NCALD: variants seen among roughly 807,000 people sequenced by gnomAD.
NCALD encodes the protein neurocalcin delta.
NCALD carries 10 observed loss-of-function variants against 18.6 expected under a neutral mutation model. The ratio of observed to expected loss-of-function variants is 0.54; its 90% CI spans 0.33 to 0.91. The LOEUF (loss-of-function observed/expected upper bound fraction) is 0.91. Among genes scored for constraint, NCALD ranks in the 40% least tolerant of loss-of-function variants. The pLI, the probability that NCALD is intolerant of heterozygous loss-of-function variation, is 0.03. For synonymous variants in NCALD, 88 were observed against 87.4 expected (o/e 1.01, Z -0.04); for missense variants, 184 against 247.6 (o/e 0.74, Z 1.72).
rs553674427 is a variant in NCALD at position 101,804,214 on chromosome 8, A to G, written c.-20+82927T>C. On this transcript the variant is annotated intron_variant, in intron 4 of 6. Transcript: ENST00000311028. Reference sequence around the variant, plus strand: ...TTAGAAAAATTATTTTCTAAAAATTAGCAATTTTAGAAAATAATATTTTAT... The same window carrying G: ...TTAGAAAAATTATTTTCTAAAAATTGGCAATTTTAGAAAATAATATTTTAT... Among the ~76,000 whole-genome samples the G allele has an allele frequency of 4.0e-5, 6 of 150,568 alleles. No homozygotes were observed. The East Asian group carries it at 1.2e-3, about 29-fold the overall frequency.
At chr8:101,772,836 T>C (rs1337345875) in intron 1 of NCALD, among the ~76,000 whole-genome samples, 1 of 152,148 alleles carries the variant, frequency 6.6e-6, no homozygotes. Flanking sequence ...AACCTTATAT[T>C]TCCTTGTGAG....
intron 4 of NCALD, among the ~76,000 whole-genome samples, chr8:101,846,941 A>C (rs1814891928): frequency 6.6e-6 from 1 of 152,180 alleles, no homozygotes; most frequent in Non-Finnish European, 1.5e-5. Flanking sequence ...TTGCATACTT[A>C]TTCCAGTAGA....
chr8:101,702,300 A>G (rs1035620848), intron 2 of NCALD, among the ~76,000 whole-genome samples: 1 of 151,416 alleles, frequency 6.6e-6, no homozygotes, highest in Non-Finnish European at 1.5e-5. Flanking sequence ...GCGTGATGAT[A>G]GCTCACTGTA....
At chr8:101,772,634 G>C (rs1394571837) in intron 1 of NCALD, among the ~76,000 whole-genome samples, 1 of 152,140 alleles carries the variant, frequency 6.6e-6, no homozygotes, top group African/African-American at 2.4e-5. Flanking sequence ...ATTGCTTTCT[G>C]TGTTCTTTGA....
At chr8:101,712,321 C>G (rs1815833409) in intron 2 of NCALD, among the ~76,000 whole-genome samples, 1 of 152,084 alleles carries the variant, frequency 6.6e-6, no homozygotes, top group Admixed American at 6.5e-5. Flanking sequence ...AATGCAAAGA[C>G]CGTCAACACT....
At chr8:101,901,561 T>C (rs559417789) in intron 3 of NCALD, among the ~76,000 whole-genome samples, 2 of 152,276 alleles carry the variant, frequency 1.3e-5, no homozygotes, top group Non-Finnish European at 2.9e-5. Context: ...CTTATTATAA[T>C]AAATATACAC....
At chr8:102,004,151 T>A (rs1821599169) in intron 2 of NCALD, among the ~76,000 whole-genome samples, 1 of 151,760 alleles carries the variant, frequency 6.6e-6, no homozygotes, top group South Asian at 2.1e-4. Flanking sequence ...GCCCAAAATC[T>A]CCTTAAGCTG....
intron 2 of NCALD, among the ~76,000 whole-genome samples, chr8:101,950,787 C>T (rs1298989294): frequency 1.3e-5 from 2 of 152,300 alleles, no homozygotes; most frequent in East Asian, 3.9e-4. Flanking sequence ...CTGATCTAAG[C>T]CCACAGCTTG....
At chr8:101,693,331 T>TTG (rs1563659045) in intron 2 of NCALD, 2 of 97,512 alleles carry the variant, frequency 2.1e-5, no homozygotes, top group Non-Finnish European at 4.4e-5. Context: ...TTTTTTTTTT[T>TTG]TTTTTTTTTT....
intron 4 of NCALD, among the ~76,000 whole-genome samples, chr8:101,855,913 C>T (rs987315559): frequency 1.3e-5 from 2 of 152,108 alleles, no homozygotes; most frequent in African/African-American, 4.8e-5. Flanking sequence ...AATCATTTTC[C>T]CTTCCTTTAT....
At chr8:102,042,282 T>G (rs1380339887) in intron 1 of NCALD, among the ~76,000 whole-genome samples, 3 of 151,942 alleles carry the variant, frequency 2.0e-5, no homozygotes, top group South Asian at 4.1e-4. Flanking sequence ...GAAAATCTAC[T>G]AACAAAAGAA....
Position 102,003,486 on chromosome 8 carries a change from T to C in NCALD, c.-157+16751A>G, listed in dbSNP as rs544844655. On this transcript the variant is annotated intron_variant, in intron 2 of 6. Transcript: ENST00000311028. ...GCAGGTACCATTCCTTCTGAAACTATTCCAATCAATAGAAAAAGAGGGAAT... is the reference window on the plus strand; with the variant it reads ...GCAGGTACCATTCCTTCTGAAACTACTCCAATCAATAGAAAAAGAGGGAAT... Among the ~76,000 whole-genome samples the C allele has an allele frequency of 7.2e-5, 11 of 152,298 alleles. No individual in the cohort carries two copies. The South Asian group carries it at 2.1e-3, about 29-fold the overall frequency.
At position 101,722,081 on chromosome 8, in the gene NCALD, C is replaced by T. The variant is rs75486972; in HGVS notation, c.-19-2433G>A. Among the ~76,000 whole-genome samples, 427 of 152,216 alleles carry T rather than the reference C, an allele frequency of 2.8e-3. 2 individuals are homozygous for T. Among genetic ancestry groups the T allele is most frequent in the African/African-American group, 1.0e-2 (415 of 41,542 alleles). Reference sequence around the variant, plus strand: ...TGGTCTCAGACTCCTGGGCTCATGCCGTCTTCCAAATTGCTGGGATTGCAG... The same window carrying T: ...TGGTCTCAGACTCCTGGGCTCATGCTGTCTTCCAAATTGCTGGGATTGCAG... On this transcript the variant is annotated intron_variant, in intron 1 of 3. Coordinates refer to ENST00000220931, the MANE Select transcript of NCALD (RefSeq NM_032041.3).
intron 1 of NCALD, among the ~76,000 whole-genome samples, chr8:102,028,245 A>G (rs1009916759): frequency 1.3e-5 from 2 of 152,248 alleles, no homozygotes; most frequent in African/African-American, 4.8e-5. Context: ...CTTAAACACA[A>G]ACTTGAGTCT....
At chr8:101,904,419 C>T (rs1255814457) in intron 3 of NCALD, among the ~76,000 whole-genome samples, 1 of 152,128 alleles carries the variant, frequency 6.6e-6, no homozygotes, top group Non-Finnish European at 1.5e-5. Context: ...CATCTCCCCA[C>T]TTCCTTCCTT....
At chr8:101,770,660 T>A (rs1350466379) in intron 1 of NCALD, among the ~76,000 whole-genome samples, 2 of 152,152 alleles carry the variant, frequency 1.3e-5, no homozygotes, top group Admixed American at 6.5e-5. Flanking sequence ...CCTGACACAC[T>A]TGGCAAGTAG....
chr8:101,847,532 A>G (rs183946326), intron 4 of NCALD, among the ~76,000 whole-genome samples: 642 of 152,246 alleles, frequency 4.2e-3, no homozygotes, highest in Non-Finnish European at 7.1e-3. Context: ...CCCCATCTCT[A>G]GACCTCTGAT....
intron 1 of NCALD, among the ~76,000 whole-genome samples, chr8:102,038,627 G>A (rs1476602107): frequency 6.6e-6 from 1 of 152,116 alleles, no homozygotes; most frequent in African/African-American, 2.4e-5. Context: ...ACATTTCAGT[G>A]GCATATCCAT....
intron 1 of NCALD, among the ~76,000 whole-genome samples, chr8:101,767,915 T>C (rs1204676037): frequency 6.6e-6 from 1 of 152,256 alleles, no homozygotes; most frequent in East Asian, 1.9e-4. Context: ...GTTGAACTAC[T>C]CTGCCCATAG....
Sources: gnomAD v4.1 joint callset for allele counts (sites outside exome capture counted in the v4.1 genomes callset) on GRCh38, gnomAD v4.1.1 for gene constraint, MANE v1.5 for transcripts, NCBI Gene and HGNC (gene_info 2026-07-23, HGNC 2026-07-21) for gene names.